The following CAMK4 variants were observed in gnomAD, a reference collection of about 807,000 sequenced individuals.
CAMK4 encodes calcium/calmodulin-dependent protein kinase type IV.
A neutral mutation model predicts 44.9 loss-of-function variants in CAMK4; 22 were observed. That is an observed-to-expected ratio of 0.49 (90% CI 0.35 to 0.70). CAMK4 has a LOEUF of 0.70. Among genes scored for constraint, CAMK4 ranks in the 30% least tolerant of loss-of-function variants. The probability of loss-of-function intolerance (pLI) is 0.01; values close to 1 mark genes in which losing one functional copy is unlikely to be tolerated. For missense variants in CAMK4, 498 were observed against 586.8 expected (o/e 0.85, Z 1.56); for synonymous variants, 218 against 215.4 (o/e 1.01, Z -0.11).
At chr5:111,348,315 A>G (rs1440148381) in intron 2 of CAMK4, among the ~76,000 whole-genome samples, 1 of 152,036 alleles carries the variant, frequency 6.6e-6, no homozygotes, top group African/African-American at 2.4e-5. Flanking sequence ...TGACTTATCC[A>G]TAGGAATACA....
intron 5 of CAMK4, among the ~76,000 whole-genome samples, chr5:111,421,815 A>C (rs367980397): frequency 6.6e-6 from 1 of 152,134 alleles, no homozygotes; most frequent in Non-Finnish European, 1.5e-5. Flanking sequence ...GTGTCATGGG[A>C]GGGACCCTGT....
rs187490940 is a variant in CAMK4 at position 111,438,921 on chromosome 5, G to A, written c.460-7765G>A. On this transcript the variant is annotated intron_variant, in intron 5 of 10. Transcript: ENST00000282356. ...TCAAAAGAATCTTAATTTCTGCCTC[G>A]CCTTGAAAAATCAGAAGAGCTAACA... Among the ~76,000 whole-genome samples, 7 of 152,116 alleles carry A rather than the reference G, an allele frequency of 4.6e-5. No homozygotes were observed. In the South Asian group the frequency reaches 6.2e-4, roughly 14 times the overall value.
chr5:111,492,514 G>C lies in CAMK4; in HGVS notation c.*8048G>C, dbSNP rs1755887600. On this transcript the variant is annotated 3_prime_UTR_variant, in exon 11 of 11. Transcript: ENST00000282356. ...TTCTCCCCTGCCCATCTTCTTGATT[G>C]CTCAGTTTGAAGACGATCATTGATG... The C allele has an allele frequency of 6.6e-6, 1 of 152,162 alleles. No individual in the cohort carries two copies. Among genetic ancestry groups the C allele is most frequent in the Non-Finnish European group, 1.5e-5 (1 of 68,016 alleles). 9.4% of individuals were successfully genotyped at this position (152,162 alleles called of 1,614,324 possible).
At chr5:111,392,383 G>A (rs418748) in intron 4 of CAMK4, among the ~76,000 whole-genome samples, 56,828 of 151,740 alleles carry the variant, frequency 0.37, 11,094 homozygotes, top group Non-Finnish European at 0.43. Context: ...TAATGGCAAG[G>A]GAGAAATCCT....
rs111509434 is a variant in CAMK4, at chr5:111,275,433, A to G, written c.161+50789A>G. 2.5e-3 allele frequency among the ~76,000 whole-genome samples: 387 copies of G among 152,212 alleles called. 1 individual carries two copies. Among genetic ancestry groups the G allele is most frequent in the African/African-American group, 9.1e-3 (379 of 41,550 alleles). ...AATGCATACTTATTGGTACTTTATC[A>G]TACATCTTACTGTTTCTTTGCTCAC... is the stretch of plus-strand genomic sequence containing the variant. On this transcript the variant is annotated intron_variant, in intron 1 of 10. Coordinates refer to ENST00000282356, the MANE Select transcript of CAMK4 (RefSeq NM_001744.6).
chr5:111,465,263 A>G (rs1037186365), intron 7 of CAMK4, among the ~76,000 whole-genome samples: 1 of 152,054 alleles, frequency 6.6e-6, no homozygotes, highest in Non-Finnish European at 1.5e-5. Context: ...AAAGAGCACA[A>G]ATAGACAATC....
chr5:111,356,884 GT>G (rs1439656728), intron 2 of CAMK4, among the ~76,000 whole-genome samples: 2 of 151,916 alleles, frequency 1.3e-5, no homozygotes, highest in Admixed American at 6.6e-5. Flanking sequence ...TAGATATTTT[GT>G]TGCCTTTTAG....
chr5:111,463,221 C>G (rs988894129), intron 7 of CAMK4, among the ~76,000 whole-genome samples: 2 of 151,862 alleles, frequency 1.3e-5, no homozygotes, highest in African/African-American at 4.8e-5. Flanking sequence ...TTTACTAATT[C>G]AGAAAAGATG....
chr5:111,344,220 C>T, intron 2 of CAMK4, 118 bp downstream of exon 2: 1 of 586,734 alleles, frequency 1.7e-6, no homozygotes, highest in Non-Finnish European at 3.0e-6. Flanking sequence ...ACCCATTTGA[C>T]TCTTGATTAC....
chr5:111,420,349 TG>T (rs1406300049), intron 5 of CAMK4, among the ~76,000 whole-genome samples: 22 of 152,078 alleles, frequency 1.4e-4, no homozygotes, highest in African/African-American at 5.3e-4. Context: ...GGTGAGACAA[TG>T]GGGTTTTCTA....
At chr5:111,277,101 T>C (rs1750795191) in intron 1 of CAMK4, among the ~76,000 whole-genome samples, 1 of 152,228 alleles carries the variant, frequency 6.6e-6, no homozygotes, top group Non-Finnish European at 1.5e-5. Context: ...GAAAAAGTTA[T>C]CTTTTACCTA....
At chr5:111,479,880 C>T (rs1190407557) in intron 9 of CAMK4, among the ~76,000 whole-genome samples, 3 of 152,112 alleles carry the variant, frequency 2.0e-5, no homozygotes, top group Non-Finnish European at 4.4e-5. Context: ...TTCTCTCCCC[C>T]GGACCACTGC....
At chr5:111,420,959 C>T (rs116725784) in intron 5 of CAMK4, among the ~76,000 whole-genome samples, 2,364 of 151,536 alleles carry the variant, frequency 0.016, 26 homozygotes, top group Non-Finnish European at 0.025. Context: ...CCTCCTCAGC[C>T]GATGGGATTA....
At chr5:111,392,614 G>A (rs978014358) in intron 4 of CAMK4, among the ~76,000 whole-genome samples, 3 of 151,852 alleles carry the variant, frequency 2.0e-5, no homozygotes, top group Non-Finnish European at 4.4e-5. Flanking sequence ...AAGAGGAAAA[G>A]CACATAAAAT....
chr5:111,276,228 C>T (rs1350094622), intron 1 of CAMK4, among the ~76,000 whole-genome samples: 1 of 152,044 alleles, frequency 6.6e-6, no homozygotes, highest in African/African-American at 2.4e-5. Context: ...TCTACCTATC[C>T]TCTAGGTCTG....
rs1463937637 is a variant in CAMK4 at position 111,489,412 on chromosome 5, C to T, written c.*4946C>T. On this transcript the variant is annotated 3_prime_UTR_variant, in exon 11 of 11. Coordinates refer to ENST00000282356, the MANE Select transcript of CAMK4 (RefSeq NM_001744.6). ...CTGAGATCAGATAATATAATCTCAG[C>T]TCATAAAGCTTGGCCATGTCTATAC... 1 of 152,170 alleles carries T rather than the reference C, an allele frequency of 6.6e-6. No individual in the cohort carries two copies. Among genetic ancestry groups the T allele is most frequent in the Non-Finnish European group, 1.5e-5 (1 of 68,028 alleles). The allele number at this position is 152,170 out of a possible 1,614,324, so 9.4% of individuals were successfully genotyped here.
At chr5:111,406,680 T>A (rs1331929156) in intron 5 of CAMK4, among the ~76,000 whole-genome samples, 2 of 152,048 alleles carry the variant, frequency 1.3e-5, no homozygotes, top group Non-Finnish European at 2.9e-5. Context: ...GAATTCTAGG[T>A]CCCGAGGAGA....
chr5:111,414,529 C>G (rs1391868185), intron 5 of CAMK4, among the ~76,000 whole-genome samples: 1 of 151,992 alleles, frequency 6.6e-6, no homozygotes, highest in Non-Finnish European at 1.5e-5. Context: ...TATTAGTTAA[C>G]ATAATTTTGC....
rs534781295 is a variant in CAMK4, at chr5:111,465,961, G to T, written c.626-7350G>T. Among the ~76,000 whole-genome samples the T allele has an allele frequency of 7.2e-5, 11 of 152,268 alleles. No individual in the cohort carries two copies. In the South Asian group the frequency reaches 1.2e-3, roughly 17 times the overall value. On this transcript the variant is annotated intron_variant, in intron 7 of 10. Transcript: ENST00000282356. ...AGAAAACATCCTTAACAAAATACCA[G>T]CTAACCTAATTCAACAGCATATCAA...
Sources: allele counts gnomAD v4.1 joint callset (sites outside exome capture counted in the v4.1 genomes callset), GRCh38; gene constraint gnomAD v4.1.1; transcripts MANE v1.5; gene names NCBI Gene and HGNC (gene_info 2026-07-23, HGNC 2026-07-21).